ARSB: variants seen among roughly 807,000 people sequenced by gnomAD.
ARSB encodes the protein arylsulfatase B, also known as N-acetylgalactosamine-4-sulfatase.
Under a neutral mutation model 50.9 loss-of-function variants are expected in ARSB, and 41 were observed. The ratio of observed to expected loss-of-function variants is 0.81; its 90% CI spans 0.63 to 1.04. The LOEUF (loss-of-function observed/expected upper bound fraction) is 1.04. ARSB is among the 50% of genes least tolerant of loss of function. The pLI, the probability that ARSB is intolerant of heterozygous loss-of-function variation, is 0.00. For missense variants in ARSB, 672 were observed against 693.3 expected (o/e 0.97, Z 0.35); for synonymous variants, 269 against 284.8 (o/e 0.94, Z 0.56).
At chr5:78,964,204 C>T (rs547396078) in intron 3 of ARSB, among the ~76,000 whole-genome samples, 7 of 152,288 alleles carry the variant, frequency 4.6e-5, no homozygotes, top group Non-Finnish European at 7.4e-5. Context: ...ATTTCTCCCA[C>T]GCCTAATAAA....
chr5:78,835,781 G>A (rs1744925593), intron 6 of ARSB, among the ~76,000 whole-genome samples: 1 of 152,156 alleles, frequency 6.6e-6, no homozygotes, highest in South Asian at 2.1e-4. Context: ...AAGCCAGAGG[G>A]ACCTTGGAGA....
chr5:78,894,239 G>A (rs1461235796), intron 4 of ARSB, among the ~76,000 whole-genome samples: 1 of 152,242 alleles, frequency 6.6e-6, no homozygotes, highest in Non-Finnish European at 1.5e-5. Flanking sequence ...CTTGCGTGGT[G>A]AGAAAGATGG....
At chr5:78,963,708 T>C (rs1752091687) in intron 3 of ARSB, among the ~76,000 whole-genome samples, 1 of 152,130 alleles carries the variant, frequency 6.6e-6, no homozygotes, top group Non-Finnish European at 1.5e-5. Flanking sequence ...GTATAGTAAA[T>C]GTGAAAAATA....
At chr5:78,881,171 G>T (rs527379881) in intron 5 of ARSB, among the ~76,000 whole-genome samples, 1 of 152,162 alleles carries the variant, frequency 6.6e-6, no homozygotes, top group South Asian at 2.1e-4. Context: ...GGCAGAGATC[G>T]CAGTGAGCCA....
chr5:78,892,033 G>T (rs1013266377), intron 4 of ARSB, among the ~76,000 whole-genome samples: 8 of 151,976 alleles, frequency 5.3e-5, no homozygotes, highest in African/African-American at 1.9e-4. Flanking sequence ...CCTTAATATT[G>T]TGCCTGGCAT....
At position 78,964,567 on chromosome 5, in the gene ARSB, C is replaced by T. The variant is rs139788949; in HGVS notation, c.539G>A (p.Arg180His). The T allele has an allele frequency of 1.5e-5, 24 of 1,613,692 alleles. No individual in the cohort carries two copies. Among genetic ancestry groups the T allele is most frequent in the Middle Eastern group, 1.6e-4 (1 of 6,084 alleles). Residue 180 changes from arginine to histidine, a missense_variant, in exon 3 of 8, where the codon CGC becomes CAC. By Grantham distance (29) the Arg-to-His change is conservative (BLOSUM62 0). Coordinates refer to ENST00000264914, the MANE Select transcript of ARSB (RefSeq NM_000046.5). The part of the protein sequence containing the change: ...LGSEDYYSHE[R>H]CTLIDALNVT... ...ATTCAGAGCGTCAATTAATGTACAG[C>T]GTTCATGGGAATAATAATCTTCACT...
chr5:78,985,057 G>C lies in ARSB; in HGVS notation c.192C>G (p.Gly64=), dbSNP rs613384. ...DLGWNDVGFH[G]SRIRTPHLDA... is the part of the protein sequence containing the mutation. ...CCAGGTGCGGCGTGCGGATGCGGGA[G>C]CCGTGGAAGCCGACGTCGTTCCAGC... is the stretch of plus-strand genomic sequence containing the variant. The change falls in exon 1 of 8, where the codon GGC becomes GGG. Residue 64 remains glycine (G), a synonymous_variant. Transcript: ENST00000264914. The C allele has an allele frequency of 6.5e-7, 1 of 1,541,286 alleles. No homozygotes were observed. Among genetic ancestry groups the C allele is most frequent in the Non-Finnish European group, 8.7e-7 (1 of 1,145,738 alleles).
At chr5:78,979,068 A>G (rs1038905039) in intron 1 of ARSB, among the ~76,000 whole-genome samples, 1 of 152,258 alleles carries the variant, frequency 6.6e-6, no homozygotes, top group African/African-American at 2.4e-5. Context: ...AATATTTGCA[A>G]ATAATCTATC....
chr5:78,780,976 T>C (rs972404646), intron 7 of ARSB, among the ~76,000 whole-genome samples: 14 of 152,224 alleles, frequency 9.2e-5, no homozygotes, highest in African/African-American at 3.4e-4. Context: ...AGTCTTGCAA[T>C]ACATGGGACA....
chr5:78,908,000 G>C (rs1315484898), intron 4 of ARSB, among the ~76,000 whole-genome samples: 3 of 152,144 alleles, frequency 2.0e-5, no homozygotes, highest in African/African-American at 7.2e-5. Context: ...CATCAAGCAT[G>C]GTACCTGGAC....
At position 78,885,645 on chromosome 5, in the gene ARSB, C is replaced by A. The variant is rs752599167; in HGVS notation, c.1081G>T (p.Ala361Ser). The change falls in exon 5 of 8, where the codon GCC becomes TCC. Residue 361 changes from alanine (A) to serine (S), a missense_variant. Coordinates refer to ENST00000264914, the MANE Select transcript of ARSB (RefSeq NM_000046.5). ...TTTGTGCCATTGGTGTGTCCCCTGG[C>A]CAGCTTCACGAGTGTTGGCAGCCAG... is the stretch of plus-strand genomic sequence containing the variant. The part of the protein sequence containing the change: ...SDWLPTLVKL[A>S]RGHTNGTKPL... 8.4e-5 allele frequency: 135 copies of A among 1,613,980 alleles called. No individual in the cohort carries two copies. The highest frequency in any genetic ancestry group is 1.1e-4 in the Non-Finnish European group (129 of 1,180,038).
intron 4 of ARSB, among the ~76,000 whole-genome samples, chr5:78,939,352 A>T (rs1487832587): frequency 2.0e-5 from 3 of 151,644 alleles, no homozygotes; most frequent in Non-Finnish European, 4.4e-5. Flanking sequence ...ACATATGTAT[A>T]CATGTGCCAT....
intron 4 of ARSB, among the ~76,000 whole-genome samples, chr5:78,942,202 T>TA (rs1324109494): frequency 1.4e-4 from 21 of 149,416 alleles, no homozygotes; most frequent in African/African-American, 2.5e-4. Flanking sequence ...GCTAGCGGTC[T>TA]ATCAATTTTG....
At chr5:78,896,130 G>A (rs1273490750) in intron 4 of ARSB, among the ~76,000 whole-genome samples, 4 of 152,206 alleles carry the variant, frequency 2.6e-5, no homozygotes, top group Non-Finnish European at 4.4e-5. Context: ...TCACACCACA[G>A]TGTGGAAGGG....
chr5:78,893,657 C>CTGTAATTTAAAACAT, intron 4 of ARSB, among the ~76,000 whole-genome samples: 1 of 152,204 alleles, frequency 6.6e-6, no homozygotes, highest in East Asian at 1.9e-4. Flanking sequence ...TAACTTTTTC[C>CTGTAATTTAAAACAT]TGTAATTTAA....
At chr5:78,836,290 C>G (rs964697543) in intron 6 of ARSB, among the ~76,000 whole-genome samples, 1 of 152,182 alleles carries the variant, frequency 6.6e-6, no homozygotes, top group Non-Finnish European at 1.5e-5. Context: ...CAGGCACAGA[C>G]AGCAGAGAAC....
chr5:78,922,164 T>C (rs949029001), intron 4 of ARSB, among the ~76,000 whole-genome samples: 3 of 134,368 alleles, frequency 2.2e-5, no homozygotes, highest in African/African-American at 8.7e-5. Context: ...TCTAGGCAAA[T>C]CCTAATACCA....
chr5:78,860,616 T>C (rs901609124), intron 5 of ARSB, among the ~76,000 whole-genome samples: 1 of 152,178 alleles, frequency 6.6e-6, no homozygotes, highest in Admixed American at 6.5e-5. Context: ...AAGCACTGTG[T>C]AGAGGGAAAT....
At position 78,910,908 on chromosome 5, in the gene ARSB, G is replaced by A. The variant is rs77897992; in HGVS notation, c.899-25081C>T. Among the ~76,000 whole-genome samples the A allele has an allele frequency of 4.2e-3, 632 of 152,276 alleles. 5 individuals are homozygous for A. The highest frequency in any genetic ancestry group is 0.014 in the African/African-American group (589 of 41,550). The stretch of plus-strand genomic sequence containing the variant: ...CAAGTTTCCAGGTGATAGTGATATT[G>A]CTGCTCCTGGGACCATACTTAGAGA... On this transcript the variant is annotated intron_variant, in intron 4 of 7. Coordinates refer to ENST00000264914, the MANE Select transcript of ARSB (RefSeq NM_000046.5).
Sources: gnomAD v4.1 joint callset for allele counts (sites outside exome capture counted in the v4.1 genomes callset) on GRCh38, gnomAD v4.1.1 for gene constraint, MANE v1.5 for transcripts, NCBI Gene and HGNC (gene_info 2026-07-23, HGNC 2026-07-21) for gene names.